USP38: variants seen among roughly 807,000 people sequenced by gnomAD.
USP38 encodes ubiquitin specific peptidase 38.
A neutral mutation model predicts 94.3 loss-of-function variants in USP38; 49 were observed. The ratio of observed to expected loss-of-function variants is 0.52; its 90% CI spans 0.41 to 0.66. The LOEUF (loss-of-function observed/expected upper bound fraction) is 0.66, where lower values mean the gene tolerates loss of function less well. Among genes scored for constraint, USP38 ranks in the 30% least tolerant of loss-of-function variants. The pLI is 0.00. For synonymous variants in USP38, 468 were observed against 463.6 expected, an observed-to-expected ratio of 1.01 and a Z score of -0.12; for missense variants, 1,128 against 1,229.4, an observed-to-expected ratio of 0.92 and a Z score of 1.23.
At chr4:143,216,242 C>T (rs985480398) in intron 9 of USP38, among the ~76,000 whole-genome samples, 3 of 151,976 alleles carry the variant, frequency 2.0e-5, no homozygotes, top group African/African-American at 4.8e-5. Context: ...TTTTAAGACT[C>T]GTATGTTACT....
chr4:143,220,250 T>C, intron 9 of USP38, 45 bp from the exon 10 acceptor site: 1 of 1,558,112 alleles, frequency 6.4e-7, no homozygotes, highest in Non-Finnish European at 8.7e-7. Flanking sequence ...TAACGATCCA[T>C]TGTATTTAGC....
rs769787952 is a variant in USP38, at chr4:143,187,809, T to C, written c.683-17T>C. Reference sequence around the variant, plus strand: ...CCTACTTGCCATGTTCCCTTTTCTTTTTAATTGAAAAAACAGATGCATCAT... The same window carrying C: ...CCTACTTGCCATGTTCCCTTTTCTTCTTAATTGAAAAAACAGATGCATCAT... On this transcript the variant is annotated splice_polypyrimidine_tract_variant and intron_variant, in intron 1 of 9. Transcript: ENST00000307017. 10 of 1,599,312 alleles carry C rather than the reference T, an allele frequency of 6.3e-6. No individual in the cohort carries two copies. The East Asian group carries it at 2.2e-4, about 36-fold the overall frequency.
rs1228695731 is a variant in USP38, at chr4:143,220,621, A to C, written c.*165A>C. The C allele has an allele frequency of 2.9e-6, 2 of 700,076 alleles. No homozygotes were observed. The allele number at this position is 700,076 out of a possible 1,614,324, so 43.4% of individuals were successfully genotyped here. A position where few individuals can be genotyped will look rare whatever the true frequency, so the allele number is the denominator to read the frequency against. On this transcript the variant is annotated 3_prime_UTR_variant, in exon 10 of 10. Coordinates refer to ENST00000307017, the MANE Select transcript of USP38 (RefSeq NM_032557.6). Reference sequence around the variant, plus strand: ...ATTTTCTTGACACATTTATTAACAAAATGCATCATGGAAAAAAAAATCTAC... The same window carrying C: ...ATTTTCTTGACACATTTATTAACAACATGCATCATGGAAAAAAAAATCTAC...
chr4:143,205,833 A>G (rs7674403), intron 5 of USP38, among the ~76,000 whole-genome samples, 200 bp from the exon 6 acceptor site: 14,508 of 152,186 alleles, frequency 0.095, 869 homozygotes, highest in African/African-American at 0.16. Context: ...ATCTGTTATT[A>G]GACAATATTT....
At chr4:143,188,784 A>G (rs1338537917) in intron 2 of USP38, among the ~76,000 whole-genome samples, 4 of 152,046 alleles carry the variant, frequency 2.6e-5, no homozygotes, top group Non-Finnish European at 5.9e-5. Flanking sequence ...ATAGGCTTGC[A>G]TTCTAGTTGG....
chr4:143,215,830 A>C (rs966392097), intron 9 of USP38, among the ~76,000 whole-genome samples: 1 of 152,166 alleles, frequency 6.6e-6, no homozygotes, highest in Non-Finnish European at 1.5e-5. Flanking sequence ...GCGTTATAAA[A>C]TACACATTTT....
Position 143,195,849 on chromosome 4 carries a change from A to G in USP38, c.948+4A>G. ...TACTTTGCTGAAAATAGAACTGGTA[A>G]GTGGGAGTATGGAAATCTATTAGAA... is the stretch of plus-strand genomic sequence containing the variant. On this transcript the variant is annotated splice_donor_region_variant and intron_variant, in intron 3 of 9. Coordinates refer to ENST00000307017, the MANE Select transcript of USP38 (RefSeq NM_032557.6). The G allele has an allele frequency of 1.2e-6, 2 of 1,607,338 alleles. No homozygotes were observed. Among genetic ancestry groups the G allele is most frequent in the Non-Finnish European group, 8.5e-7 (1 of 1,177,612 alleles).
At chr4:143,211,939 T>TAGAG (rs1732036269) in intron 7 of USP38, among the ~76,000 whole-genome samples, 1 of 152,176 alleles carries the variant, frequency 6.6e-6, no homozygotes, top group Non-Finnish European at 1.5e-5. Context: ...ATTAATCTTT[T>TAGAG]TTAGATTTGA....
chr4:143,208,495 G>T (rs1731933034), intron 6 of USP38, among the ~76,000 whole-genome samples: 1 of 151,978 alleles, frequency 6.6e-6, no homozygotes, highest in South Asian at 2.1e-4. Flanking sequence ...TGTACCTTTA[G>T]CAACAAATCA....
intron 1 of USP38, among the ~76,000 whole-genome samples, chr4:143,187,265 T>A (rs988256582): frequency 7.2e-5 from 11 of 152,188 alleles, no homozygotes; most frequent in East Asian, 1.9e-4. Context: ...AGAGATTTTT[T>A]AAAAATCTTC....
At chr4:143,187,089 T>A (rs532964237) in intron 1 of USP38, among the ~76,000 whole-genome samples, 2 of 152,264 alleles carry the variant, frequency 1.3e-5, no homozygotes, top group African/African-American at 4.8e-5. Flanking sequence ...GTTGGTTTGT[T>A]TTTTTTTCTT....
chr4:143,195,624 C>A, intron 2 of USP38, 92 bp from the exon 3 acceptor site: 1 of 1,323,702 alleles, frequency 7.6e-7, no homozygotes, highest in Non-Finnish European at 1.0e-6. Flanking sequence ...TGTTTATTCA[C>A]AAAGTGAGTG....
chr4:143,185,285 C>A lies in USP38; in HGVS notation c.-166C>A. ...AGCTCCCGCCCCGGCTTGGATGGGT[C>A]TCCCTGCGCCATAAATGTGGCTGCT... On this transcript the variant is annotated 5_prime_UTR_variant, in exon 1 of 10. Transcript: ENST00000307017. 1.3e-6 allele frequency: 1 copy of A among 740,776 alleles called. No individual in the cohort carries two copies. The highest frequency in any genetic ancestry group is 2.1e-6 in the Non-Finnish European group (1 of 469,330). The allele number at this position is 740,776 out of a possible 1,614,324, so 45.9% of individuals were successfully genotyped here. A position where few individuals can be genotyped will look rare whatever the true frequency, so the allele number is the denominator to read the frequency against.
chr4:143,185,171 G>A lies in USP38; in HGVS notation c.-280G>A. The A allele has an allele frequency of 3.0e-6, 1 of 337,668 alleles. No individual in the cohort carries two copies. The highest frequency in any genetic ancestry group is 5.4e-6 in the Non-Finnish European group (1 of 185,142). 20.9% of individuals were successfully genotyped at this position (337,668 alleles called of 1,614,324 possible). ...GCCCCTCGGCGCTGATGCTGAGTGG[G>A]ATCGAGGGCCCGGGGCGGCGGCGGA... On this transcript the variant is annotated 5_prime_UTR_variant, in exon 1 of 10. Coordinates refer to ENST00000307017, the MANE Select transcript of USP38 (RefSeq NM_032557.6).
chr4:143,207,599 T>G (rs937707254), intron 6 of USP38, among the ~76,000 whole-genome samples: 1 of 152,130 alleles, frequency 6.6e-6, no homozygotes, highest in Non-Finnish European at 1.5e-5. Context: ...CTCCAGATTA[T>G]AATATCAGCA....
chr4:143,213,821 T>C lies in USP38; in HGVS notation c.1845T>C (p.Asp615=). 6.2e-7 allele frequency: 1 copy of C among 1,613,826 alleles called. No individual in the cohort carries two copies. The highest frequency in any genetic ancestry group is 8.5e-7 in the Non-Finnish European group (1 of 1,179,850). Residue 615 remains aspartate (D), a synonymous_variant, in exon 9 of 10, where the codon GAT becomes GAC. Transcript: ENST00000307017. ...STSQKVEAFT[D]LSLAFCPSSS... ...CACAAAAAGTGGAAGCCTTTACAGA[T>C]CTTTCGCTTGCCTTTTGTCCTTCCT... is the stretch of plus-strand genomic sequence containing the variant.
At chr4:143,187,987 G>A (rs1441604440) in intron 2 of USP38, 26 bp downstream of exon 2, 2 of 1,580,454 alleles carry the variant, frequency 1.3e-6, no homozygotes, top group East Asian at 2.3e-5. Flanking sequence ...ACTATTAATG[G>A]TAATTGTAGA....
chr4:143,208,609 G>A (rs1020662443), intron 6 of USP38, among the ~76,000 whole-genome samples: 1 of 151,762 alleles, frequency 6.6e-6, no homozygotes, highest in African/African-American at 2.4e-5. Flanking sequence ...ATTCATTTGT[G>A]TTTCTCTTCC....
Position 143,220,723 on chromosome 4 carries a change from C to T in USP38, c.*267C>T. The T allele has an allele frequency of 3.9e-6, 1 of 254,908 alleles. No homozygotes were observed. Among genetic ancestry groups the T allele is most frequent in the Non-Finnish European group, 7.3e-6 (1 of 136,804 alleles). The allele number at this position is 254,908 out of a possible 1,614,324, so 15.8% of individuals were successfully genotyped here. A position where few individuals can be genotyped will look rare whatever the true frequency, so the allele number is the denominator to read the frequency against. ...TCAGAAGAAAATATGTACCTGGTCCCTAATTAAGCTGCGTTAAATTTGGTA... is the reference window on the plus strand; with the variant it reads ...TCAGAAGAAAATATGTACCTGGTCCTTAATTAAGCTGCGTTAAATTTGGTA... On this transcript the variant is annotated 3_prime_UTR_variant, in exon 10 of 10. Coordinates refer to ENST00000307017, the MANE Select transcript of USP38 (RefSeq NM_032557.6).
Sources: gnomAD v4.1 joint callset for allele counts (sites outside exome capture counted in the v4.1 genomes callset) on GRCh38, gnomAD v4.1.1 for gene constraint, MANE v1.5 for transcripts, NCBI Gene and HGNC (gene_info 2026-07-23, HGNC 2026-07-21) for gene names.